Variants in DTNBP1 observed in about 807,000 individuals in gnomAD.
The protein encoded by DTNBP1 is dysbindin.
DTNBP1 carries 35 observed loss-of-function variants against 42.8 expected under a neutral mutation model. The ratio of observed to expected loss-of-function variants is 0.82; its 90% confidence interval spans 0.63 to 1.09. The LOEUF is 1.09. Ranked by LOEUF, DTNBP1 falls within the 50% of genes least tolerant of loss-of-function variation. The pLI, the probability that DTNBP1 is intolerant of heterozygous loss-of-function variation, is 0.00. For synonymous variants in DTNBP1, 171 were observed against 162.2 expected (o/e 1.05, Z -0.41); for missense variants, 457 against 424.2 (o/e 1.08, Z -0.68).
rs192260418 is a variant in DTNBP1, at chr6:15,592,362, C to A, written c.511+697G>T. 1.2e-3 allele frequency among the ~76,000 whole-genome samples: 185 copies of A among 152,250 alleles called. No homozygotes were observed. The Middle Eastern group carries it at 0.017, about 14-fold the overall frequency. ...GAATAGGATTTCTACTACTTAATTG[C>A]TCATGAGTAATTAATTGAAAAATGG... On this transcript the variant is annotated intron_variant, in intron 7 of 9. Transcript: ENST00000344537.
intron 6 of DTNBP1, among the ~76,000 whole-genome samples, chr6:15,593,852 G>C (rs1776396778): frequency 6.6e-6 from 1 of 152,106 alleles, no homozygotes; most frequent in Non-Finnish European, 1.5e-5. Flanking sequence ...TAAAATATGA[G>C]ACATTTATTT....
At chr6:15,610,287 T>C (rs1758319242) in intron 6 of DTNBP1, among the ~76,000 whole-genome samples, 1 of 152,194 alleles carries the variant, frequency 6.6e-6, no homozygotes, top group Non-Finnish European at 1.5e-5. Flanking sequence ...CCAGCACATA[T>C]TGTTGTCATT....
chr6:15,595,098 G>A (rs993648531), intron 6 of DTNBP1: 102 of 455,964 alleles, frequency 2.2e-4, no homozygotes, highest in Non-Finnish European at 2.3e-4. Flanking sequence ...GTCACACAGC[G>A]TCATGACCCA....
chr6:15,662,900 C>A lies in DTNBP1; in HGVS notation c.-31G>T. The A allele has an allele frequency of 6.2e-7, 1 of 1,601,818 alleles. No homozygotes were observed. Among genetic ancestry groups the A allele is most frequent in the Non-Finnish European group, 8.5e-7 (1 of 1,179,176 alleles). On this transcript the variant is annotated 5_prime_UTR_variant, in exon 1 of 10. Transcript: ENST00000344537. ...CCGCCGCCGGTCTCCTCTCCTCAGGCCTCGGGCTGCTGCTGCCTCTGTCGC... is the reference window on the plus strand; with the variant it reads ...CCGCCGCCGGTCTCCTCTCCTCAGGACTCGGGCTGCTGCTGCCTCTGTCGC...
chr6:15,658,603 T>A (rs1479024263), intron 1 of DTNBP1, among the ~76,000 whole-genome samples: 3 of 152,308 alleles, frequency 2.0e-5, no homozygotes, highest in Non-Finnish European at 2.9e-5. Flanking sequence ...TGTAAACCCG[T>A]CAGTAAATCT....
chr6:15,640,309 G>A (rs1199044978), intron 3 of DTNBP1, among the ~76,000 whole-genome samples: 1 of 152,156 alleles, frequency 6.6e-6, no homozygotes, highest in Non-Finnish European at 1.5e-5. Flanking sequence ...TCAACAGATG[G>A]ATGAACTTAC....
intron 4 of DTNBP1, among the ~76,000 whole-genome samples, chr6:15,633,255 T>A (rs1236874432): frequency 6.6e-6 from 1 of 152,212 alleles, no homozygotes; most frequent in African/African-American, 2.4e-5. Flanking sequence ...CTTTTAAGTG[T>A]TATTGTTTAA....
At chr6:15,551,716 A>G (rs562682992) in intron 7 of DTNBP1, among the ~76,000 whole-genome samples, 6 of 152,332 alleles carry the variant, frequency 3.9e-5, no homozygotes, top group African/African-American at 1.4e-4. Context: ...CTCGAGAGCA[A>G]GCACTGTGTC....
chr6:15,593,087 G>GGA lies in DTNBP1; in HGVS notation c.489-8_489-7dup. On this transcript the variant is annotated splice_region_variant and splice_polypyrimidine_tract_variant and intron_variant, in intron 6 of 9. Transcript: ENST00000344537. ...TGAAGGTTTCAAGTTCCTTCCTGTA[G>GGA]GAAAAAAAAAAAAAAGACAAGACAA... The GGA allele has an allele frequency of 6.5e-7, 1 of 1,532,660 alleles. No homozygotes were observed. Among genetic ancestry groups the GGA allele is most frequent in the Non-Finnish European group, 8.8e-7 (1 of 1,142,296 alleles). 94.9% of individuals were successfully genotyped at this position (1,532,660 alleles called of 1,614,324 possible). A position where few individuals can be genotyped will look rare whatever the true frequency, so the allele number is the denominator to read the frequency against.
rs147548247 is a variant in DTNBP1 at position 15,584,705 on chromosome 6, C to CTTTT, written c.511+8350_511+8353dup. Among the ~76,000 whole-genome samples, 137 of 86,364 alleles carry CTTTT rather than the reference C, an allele frequency of 1.6e-3. 3 individuals are homozygous for CTTTT. The East Asian group carries it at 0.019, about 12-fold the overall frequency. 56.7% of individuals were successfully genotyped at this position (86,364 alleles called of 152,430 possible). ...GATAGATGAGAGACAACATGTATTT[C>CTTTT]TTTTTTTTTTTTTTTTTTTTTTTCA... On this transcript the variant is annotated intron_variant, in intron 7 of 9. Coordinates refer to ENST00000344537, the MANE Select transcript of DTNBP1 (RefSeq NM_032122.5).
At chr6:15,597,947 A>G (rs1462449454) in intron 6 of DTNBP1, among the ~76,000 whole-genome samples, 2 of 152,350 alleles carry the variant, frequency 1.3e-5, no homozygotes, top group African/African-American at 4.8e-5. Context: ...CCATAGTTTA[A>G]TAGTATTTTC....
intron 5 of DTNBP1, among the ~76,000 whole-genome samples, chr6:15,622,076 A>G (rs75407831): frequency 1.4e-4 from 21 of 152,266 alleles, no homozygotes; most frequent in Non-Finnish European, 3.1e-4. Flanking sequence ...GTTGAATTCA[A>G]TAAAGAATAA....
chr6:15,639,281 A>C (rs545936802), intron 3 of DTNBP1, among the ~76,000 whole-genome samples: 1 of 152,304 alleles, frequency 6.6e-6, no homozygotes, highest in South Asian at 2.1e-4. Context: ...TATTTTTGCA[A>C]TTTTTTTGTA....
intron 5 of DTNBP1, among the ~76,000 whole-genome samples, chr6:15,625,225 T>C (rs1429575066): frequency 1.3e-5 from 2 of 152,134 alleles, no homozygotes; most frequent in African/African-American, 4.8e-5. Context: ...GGCTAACAGA[T>C]AATTCAGATT....
intron 8 of DTNBP1, among the ~76,000 whole-genome samples, chr6:15,529,363 A>G (rs1001075619): frequency 5.3e-5 from 8 of 152,252 alleles, no homozygotes; most frequent in Non-Finnish European, 7.3e-5. Flanking sequence ...CAATGAATAA[A>G]TTACATTTAT....
At chr6:15,630,607 G>A (rs1018540817) in intron 4 of DTNBP1, among the ~76,000 whole-genome samples, 5 of 151,936 alleles carry the variant, frequency 3.3e-5, no homozygotes, top group African/African-American at 1.2e-4. Flanking sequence ...AAAAAAAATC[G>A]AAACCCTTAT....
chr6:15,604,268 AAGTCTGCTCCCTTTTTGTAAAG>A (rs1438875303), intron 6 of DTNBP1, among the ~76,000 whole-genome samples: 1 of 152,186 alleles, frequency 6.6e-6, no homozygotes, highest in Non-Finnish European at 1.5e-5. Context: ...GTGGATGCAG[AAGTCTGCTCCCTTTTTGTAAAG>A]TCATTGCCTG....
chr6:15,571,052 C>CT (rs1775318454), intron 7 of DTNBP1, among the ~76,000 whole-genome samples: 2 of 151,988 alleles, frequency 1.3e-5, no homozygotes. Flanking sequence ...TTAAAACAGT[C>CT]TTATTTTGTT....
chr6:15,661,397 C>T (rs574648444), intron 1 of DTNBP1, among the ~76,000 whole-genome samples: 2 of 152,050 alleles, frequency 1.3e-5, no homozygotes, highest in South Asian at 2.1e-4. Context: ...CGGTGGCACA[C>T]GCCTGTAATC....
Sources: gnomAD v4.1 joint callset for allele counts (sites outside exome capture counted in the v4.1 genomes callset) on GRCh38, gnomAD v4.1.1 for gene constraint, MANE v1.5 for transcripts, NCBI Gene and HGNC (gene_info 2026-07-23, HGNC 2026-07-21) for gene names.